EMC10: variants seen among roughly 807,000 people sequenced by gnomAD.
The protein encoded by EMC10 is UPF0510 protein INM02.
A neutral mutation model predicts 32.2 loss-of-function variants in EMC10; 40 were observed. The ratio of observed to expected loss-of-function variants is 1.24; its 90% CI spans 0.96 to 1.61. EMC10 has a LOEUF of 1.61. EMC10 is among the 40% of genes most tolerant of loss of function. The pLI is 0.00. For missense variants in EMC10, 402 were observed against 357.7 expected, an observed-to-expected ratio of 1.12 and a Z score of -1.00; for synonymous variants, 178 against 158.4, an observed-to-expected ratio of 1.12 and a Z score of -0.93.
intron 6 of EMC10, 89 bp downstream of exon 6, chr19:50,481,066 A>C: frequency 1.0e-5 from 10 of 1,002,272 alleles, no homozygotes; most frequent in African/African-American, 1.6e-5. Flanking sequence ...AGACTCCCCT[A>C]TGGTGCTCGG....
At chr19:50,479,778 TACGTCCAGGC>T (rs1347744654) in intron 3 of EMC10, among the ~76,000 whole-genome samples, 4 of 152,338 alleles carry the variant, frequency 2.6e-5, no homozygotes, top group Non-Finnish European at 5.9e-5. Context: ...ATGTAACTGG[TACGTCCAGGC>T]ATAGGGTGGA....
intron 6 of EMC10, 76 bp from the exon 7 acceptor site, chr19:50,482,073 G>T: frequency 7.0e-7 from 1 of 1,420,094 alleles, no homozygotes. Flanking sequence ...CCGTGGGTGG[G>T]TGATGCCCAC....
chr19:50,480,533 G>GCCC lies in EMC10; in HGVS notation c.403-47_403-45dup, dbSNP rs1568685865. 3 of 1,540,518 alleles carry GCCC rather than the reference G, an allele frequency of 1.9e-6. No homozygotes were observed. Among genetic ancestry groups the GCCC allele is most frequent in the Admixed American group, 2.0e-5 (1 of 50,048 alleles). ...GGGGGCCGGGGGAGGTTAGGGTGGA[G>GCCC]CCCAGGCAGCAGGCTCCCCACCTCC... On this transcript the variant is annotated intron_variant, in intron 4 of 6. Coordinates refer to ENST00000334976, the MANE Select transcript of EMC10 (RefSeq NM_206538.4). This position sits in a 1 kb window ranked among gnomAD's most constrained non-coding sequence, Gnocchi z 4.4.
chr19:50,478,924 G>A (rs2040272933), intron 2 of EMC10, 33 bp from the exon 3 acceptor site: 4 of 1,529,938 alleles, frequency 2.6e-6, no homozygotes, highest in Non-Finnish European at 3.6e-6. Context: ...GTGGGCGGGG[G>A]AGGGGGCGTC....
intron 2 of EMC10, among the ~76,000 whole-genome samples, chr19:50,478,254 T>C (rs1468510562): frequency 2.0e-5 from 3 of 152,178 alleles, no homozygotes; most frequent in Non-Finnish European, 4.4e-5. Flanking sequence ...TCCTGATCAG[T>C]CGCCACGTGC....
rs764871199 is a variant in EMC10, at chr19:50,480,196, TCTC to T, written c.389_391del (p.Ser130del). On this transcript the variant is annotated inframe_deletion, in exon 4 of 7. Coordinates refer to ENST00000334976, the MANE Select transcript of EMC10 (RefSeq NM_206538.4). This position sits in a 1 kb window ranked among gnomAD's most constrained non-coding sequence, Gnocchi z 4.4. ...GATGGCCTGGAAGCTGGTGGCTATGTCTCCTCCTTTGTCCCTGCGGTGAGTTGG... is the reference window on the plus strand; with the variant it reads ...GATGGCCTGGAAGCTGGTGGCTATGTCTCCTTTGTCCCTGCGGTGAGTTGG... The T allele has an allele frequency of 4.1e-5, 66 of 1,613,734 alleles. No individual in the cohort carries two copies. The highest frequency in any genetic ancestry group is 5.3e-5 in the Non-Finnish European group (62 of 1,179,922).
At chr19:50,481,743 T>G in intron 6 of EMC10, 10 of 834,220 alleles carry the variant, frequency 1.2e-5, no homozygotes, top group Non-Finnish European at 1.3e-5. Flanking sequence ...GCCCAGAGGC[T>G]GAGCCCTTGC....
Position 50,488,424 on chromosome 19 carries a change from G to A in EMC10, c.*6165G>A, listed in dbSNP as rs1978466230. ...AAGAAAAAACAGAAGAGGAAAGAAAGACGAGGGGGTGAAAAAAGGGACAGG... is the reference window on the plus strand; with the variant it reads ...AAGAAAAAACAGAAGAGGAAAGAAAAACGAGGGGGTGAAAAAAGGGACAGG... On this transcript the variant is annotated 3_prime_UTR_variant, in exon 7 of 7. Transcript: ENST00000334976. 1 of 150,116 alleles carries A rather than the reference G, an allele frequency of 6.7e-6. No individual in the cohort carries two copies. Among genetic ancestry groups the A allele is most frequent in the Non-Finnish European group, 1.5e-5 (1 of 67,580 alleles). 9.3% of individuals were successfully genotyped at this position (150,116 alleles called of 1,614,324 possible).
At chr19:50,478,275 C>T (rs1342346044) in intron 2 of EMC10, among the ~76,000 whole-genome samples, 4 of 152,192 alleles carry the variant, frequency 2.6e-5, no homozygotes, top group South Asian at 2.1e-4. Flanking sequence ...CCAGCATTAG[C>T]GGTTCCACGC....
chr19:50,481,468 C>A, intron 6 of EMC10: 1 of 252,434 alleles, frequency 4.0e-6, no homozygotes, highest in Non-Finnish European at 7.5e-6. Flanking sequence ...GGCTTAGAGG[C>A]TGAGGCGTGG....
In EMC10 at chr19:50,480,331, C is replaced by A; in HGVS notation, c.402+116C>A. On this transcript the variant is annotated intron_variant, in intron 4 of 6. Coordinates refer to ENST00000334976, the MANE Select transcript of EMC10 (RefSeq NM_206538.4). The surrounding 1 kb of genome is among the most constrained non-coding windows in gnomAD (Gnocchi z 4.4). The stretch of plus-strand genomic sequence containing the variant: ...CTGGAGCCCGCAGAGGCCTGGGAGA[C>A]TCAGACCTGGCCTTGCCTTCCGAGG... The A allele has an allele frequency of 8.6e-7, 1 of 1,156,450 alleles. No individual in the cohort carries two copies. The highest frequency in any genetic ancestry group is 1.2e-6 in the Non-Finnish European group (1 of 808,446). The allele number at this position is 1,156,450 out of a possible 1,614,324, so 71.6% of individuals were successfully genotyped here. A position where few individuals can be genotyped will look rare whatever the true frequency, so the allele number is the denominator to read the frequency against.
In EMC10 at chr19:50,482,600, G is replaced by A. The variant is rs2040340927; in HGVS notation, c.*341G>A. On this transcript the variant is annotated 3_prime_UTR_variant, in exon 7 of 7. Transcript: ENST00000334976. Reference sequence around the variant, plus strand: ...CCCCTACCCCGAGCCCATGCAGTCTGGGAACATGCCGCCTTCTCTCCAGCC... The same window carrying A: ...CCCCTACCCCGAGCCCATGCAGTCTAGGAACATGCCGCCTTCTCTCCAGCC... 3 of 497,340 alleles carry A rather than the reference G, an allele frequency of 6.0e-6. No individual in the cohort carries two copies. The highest frequency in any genetic ancestry group is 1.1e-5 in the Non-Finnish European group (3 of 283,416). 30.8% of individuals were successfully genotyped at this position (497,340 alleles called of 1,614,324 possible). A position where few individuals can be genotyped will look rare whatever the true frequency, so the allele number is the denominator to read the frequency against.
rs2040359941 is a variant in EMC10 at position 50,483,851 on chromosome 19, CGCGCCTG to C, written c.*1595_*1601del. Reference sequence around the variant, plus strand: ...TGCTGGGATTACAGGCGTGAGCCACCGCGCCTGGCCTATTTTTGGTAACTTTAATAAA... The same window carrying C: ...TGCTGGGATTACAGGCGTGAGCCACCGCCTATTTTTGGTAACTTTAATAAA... On this transcript the variant is annotated 3_prime_UTR_variant, in exon 7 of 7. Transcript: ENST00000334976. 1 of 149,766 alleles carries C rather than the reference CGCGCCTG, an allele frequency of 6.7e-6. No individual in the cohort carries two copies. Among genetic ancestry groups the C allele is most frequent in the Admixed American group, 6.6e-5 (1 of 15,050 alleles). 9.3% of individuals were successfully genotyped at this position (149,766 alleles called of 1,614,324 possible). A position where few individuals can be genotyped will look rare whatever the true frequency, so the allele number is the denominator to read the frequency against.
Position 50,482,737 on chromosome 19 carries a change from C to T in EMC10, c.*478C>T. 4.1e-6 allele frequency: 2 copies of T among 482,698 alleles called. No homozygotes were observed. Among genetic ancestry groups the T allele is most frequent in the South Asian group, 4.4e-5 (1 of 22,606 alleles). The allele number at this position is 482,698 out of a possible 1,614,324, so 29.9% of individuals were successfully genotyped here. A position where few individuals can be genotyped will look rare whatever the true frequency, so the allele number is the denominator to read the frequency against. On this transcript the variant is annotated 3_prime_UTR_variant, in exon 7 of 7. Transcript: ENST00000334976. ...CTTTGACACTGGACTAGGATGCAGCCTCCCTTCTGTGTCCCCTTGAGGGTA... is the reference window on the plus strand; with the variant it reads ...CTTTGACACTGGACTAGGATGCAGCTTCCCTTCTGTGTCCCCTTGAGGGTA...
In EMC10 at chr19:50,476,564, G is replaced by T; in HGVS notation, c.20G>T (p.Gly7Val). The change falls in exon 1 of 7, where the codon GGG (glycine) becomes GTG (valine). Residue 7 changes from glycine (G) to valine (V), a missense_variant. By Grantham distance (109) the Gly-to-Val change is moderately radical. Coordinates refer to ENST00000334976, the MANE Select transcript of EMC10 (RefSeq NM_206538.4). MAAASA[G>V]ATRLLLLLLM... Reference sequence around the variant, plus strand: ...GCCGAGATGGCGGCAGCCAGCGCTGGGGCAACCCGGCTGCTCCTGCTCTTG... The same window carrying T: ...GCCGAGATGGCGGCAGCCAGCGCTGTGGCAACCCGGCTGCTCCTGCTCTTG... The T allele has an allele frequency of 6.3e-7, 1 of 1,575,136 alleles. No individual in the cohort carries two copies. The highest frequency in any genetic ancestry group is 8.6e-7 in the Non-Finnish European group (1 of 1,166,170).
At chr19:50,476,735 A>T (rs2122652787) in intron 1 of EMC10, 77 bp downstream of exon 1, 1 of 930,946 alleles carries the variant, frequency 1.1e-6, no homozygotes, top group Non-Finnish European at 1.5e-6. Flanking sequence ...TGAGTTACAG[A>T]CGGAAGGAGG....
rs1425521103 is a variant in EMC10, at chr19:50,482,455, A to T, written c.*196A>T. The T allele has an allele frequency of 1.4e-5, 8 of 589,422 alleles. No individual in the cohort carries two copies. The Admixed American group carries it at 2.2e-4, about 16-fold the overall frequency. 36.5% of individuals were successfully genotyped at this position (589,422 alleles called of 1,614,324 possible). A position where few individuals can be genotyped will look rare whatever the true frequency, so the allele number is the denominator to read the frequency against. Reference sequence around the variant, plus strand: ...GCAGCTGGACTGGGGCCTTTGGCACAGCAGCCGGTGTCTCCTGCGCCCGCC... The same window carrying T: ...GCAGCTGGACTGGGGCCTTTGGCACTGCAGCCGGTGTCTCCTGCGCCCGCC... On this transcript the variant is annotated 3_prime_UTR_variant, in exon 7 of 7. Transcript: ENST00000334976.
At position 50,481,923 on chromosome 19, in the gene EMC10, C is replaced by T. The variant is rs57237609; in HGVS notation, c.679-226C>T. ...CCCTGCGTCCTGCTGCGCCAGGGCC[C>T]GCGCCACCGCCACAGGAGGCCTGAG... On this transcript the variant is annotated intron_variant, in intron 6 of 6. Transcript: ENST00000334976. 1,910 of 1,605,038 alleles carry T rather than the reference C, an allele frequency of 1.2e-3. 18 individuals carry two copies. In the African/African-American group the frequency reaches 0.021, roughly 18 times the overall value.
Position 50,487,297 on chromosome 19 carries a change from A to G in EMC10, c.*5038A>G, listed in dbSNP as rs925087632. ...AGCAGAAAGGCGTCATCCGCTGCTC[A>G]CTGAGCTCAGATAGGAGGCCAGGGA... On this transcript the variant is annotated 3_prime_UTR_variant, in exon 7 of 7. Transcript: ENST00000334976. 6.6e-6 allele frequency: 1 copy of G among 152,286 alleles called. No individual in the cohort carries two copies. The highest frequency in any genetic ancestry group is 2.4e-5 in the African/African-American group (1 of 41,466). 9.4% of individuals were successfully genotyped at this position (152,286 alleles called of 1,614,324 possible).
Sources: allele counts gnomAD v4.1 joint callset (sites outside exome capture counted in the v4.1 genomes callset), GRCh38; gene constraint gnomAD v4.1.1; non-coding constraint Gnocchi (gnomAD v3.1); transcripts MANE v1.5; gene names NCBI Gene and HGNC (gene_info 2026-07-23, HGNC 2026-07-21).